The following SLC39A11 variants were observed in gnomAD, a reference collection of about 807,000 sequenced individuals.
The protein encoded by SLC39A11 is solute carrier family 39 member 11.
Under a neutral mutation model 36.1 loss-of-function variants are expected in SLC39A11, and 33 were observed. The ratio of observed to expected loss-of-function variants is 0.91; its 90% CI spans 0.69 to 1.22. The LOEUF (loss-of-function observed/expected upper bound fraction) is 1.22. Ranked by LOEUF, SLC39A11 falls within the 50% of genes most tolerant of loss-of-function variation. The probability of loss-of-function intolerance (pLI) is 0.00; values close to 1 mark genes in which losing one functional copy is unlikely to be tolerated. For synonymous variants in SLC39A11, 166 were observed against 170.3 expected, an observed-to-expected ratio of 0.97 and a Z score of 0.20; for missense variants, 432 against 430.3, an observed-to-expected ratio of 1.00 and a Z score of -0.03.
At chr17:72,703,485 G>T (rs1335865825) in intron 7 of SLC39A11, among the ~76,000 whole-genome samples, 2 of 152,136 alleles carry the variant, frequency 1.3e-5, no homozygotes, top group Non-Finnish European at 2.9e-5. Context: ...GGTAACATGG[G>T]GGGTTGGGGG....
chr17:72,805,734 TTTTTTC>T (rs1050082236), intron 6 of SLC39A11, among the ~76,000 whole-genome samples: 8 of 151,618 alleles, frequency 5.3e-5, no homozygotes, highest in East Asian at 1.9e-4. Flanking sequence ...GAGTTAATTT[TTTTTTC>T]TTTTTCTTTT....
chr17:72,653,447 T>C lies in SLC39A11; in HGVS notation c.672-4179A>G, dbSNP rs537690299. 1.7e-3 allele frequency among the ~76,000 whole-genome samples: 253 copies of C among 150,214 alleles called. 2 individuals are homozygous for C. The highest frequency in any genetic ancestry group is 0.01 in the Middle Eastern group (3 of 294). On this transcript the variant is annotated intron_variant, in intron 7 of 9. Transcript: ENST00000255559. ...TTTTCTTTTCTTTTCTTTTCTTTTTTTTTTTTTGAGAAGGAGTCTCGCTCT... is the reference window on the plus strand; with the variant it reads ...TTTTCTTTTCTTTTCTTTTCTTTTTCTTTTTTTGAGAAGGAGTCTCGCTCT...
chr17:72,917,015 AC>A (rs2083372772), intron 5 of SLC39A11, among the ~76,000 whole-genome samples: 1 of 152,204 alleles, frequency 6.6e-6, no homozygotes, highest in African/African-American at 2.4e-5. Context: ...ACCAGTACAA[AC>A]GTCATGATTT....
At chr17:72,690,126 A>G (rs1353267458) in intron 7 of SLC39A11, among the ~76,000 whole-genome samples, 1 of 152,174 alleles carries the variant, frequency 6.6e-6, no homozygotes, top group African/African-American at 2.4e-5. Flanking sequence ...AGCGAGGCCC[A>G]TCTGTACCCA....
intron 5 of SLC39A11, among the ~76,000 whole-genome samples, chr17:72,931,153 A>C (rs1038808704): frequency 6.6e-6 from 1 of 152,192 alleles, no homozygotes; most frequent in African/African-American, 2.4e-5. Flanking sequence ...GACAAAGAGG[A>C]GTACAGGCCC....
In SLC39A11 at chr17:72,877,369, G is replaced by A. The variant is rs185488206; in HGVS notation, c.431-27565C>T. Among the ~76,000 whole-genome samples, 37 of 152,238 alleles carry A rather than the reference G, an allele frequency of 2.4e-4. 1 individual carries two copies. The South Asian group carries it at 4.8e-3, about 20-fold the overall frequency. On this transcript the variant is annotated intron_variant, in intron 5 of 9. Transcript: ENST00000255559. ...TAATTCACAAGGCAAAATTATTGGC[G>A]GCTTTATATTACAGCCCATTTTCCT...
intron 5 of SLC39A11, among the ~76,000 whole-genome samples, chr17:72,876,535 C>T (rs190575886): frequency 2.0e-5 from 3 of 152,248 alleles, no homozygotes; most frequent in East Asian, 1.9e-4. Context: ...AAGTTACATT[C>T]GTCTTATCTG....
intron 5 of SLC39A11, among the ~76,000 whole-genome samples, chr17:72,898,374 T>C (rs72847956): frequency 0.087 from 13,188 of 152,212 alleles, 795 homozygotes; most frequent in African/African-American, 0.17. Context: ...ATACCGCTGC[T>C]ACTGGGGAGG....
chr17:72,749,684 T>C (rs1329233963), intron 6 of SLC39A11, among the ~76,000 whole-genome samples: 1 of 152,042 alleles, frequency 6.6e-6, no homozygotes, highest in Non-Finnish European at 1.5e-5. Context: ...CTTTGCTAAG[T>C]GCCACCCCAC....
At chr17:72,669,873 C>T (rs938464473) in intron 7 of SLC39A11, among the ~76,000 whole-genome samples, 2 of 151,520 alleles carry the variant, frequency 1.3e-5, no homozygotes, top group Admixed American at 1.3e-4. Flanking sequence ...CGTATATATA[C>T]ATATACACGT....
chr17:72,818,267 C>T (rs1032267971), intron 6 of SLC39A11, among the ~76,000 whole-genome samples: 1 of 152,160 alleles, frequency 6.6e-6, no homozygotes, highest in Non-Finnish European at 1.5e-5. Flanking sequence ...CCACTGCTCC[C>T]GTGGCTTAGT....
intron 7 of SLC39A11, among the ~76,000 whole-genome samples, chr17:72,670,408 A>G (rs1212023090): frequency 6.6e-6 from 1 of 151,992 alleles, no homozygotes; most frequent in East Asian, 1.9e-4. Flanking sequence ...TTTCTCCTTA[A>G]ATTTTCTCAT....
intron 3 of SLC39A11, among the ~76,000 whole-genome samples, chr17:73,053,845 G>A (rs934095216): frequency 6.6e-6 from 1 of 152,198 alleles, no homozygotes; most frequent in Non-Finnish European, 1.5e-5. Flanking sequence ...TAATTAAAAC[G>A]TGGGGAAATT....
At position 73,039,024 on chromosome 17, in the gene SLC39A11, G is replaced by A. The variant is rs545664072; in HGVS notation, c.148-7310C>T. Among the ~76,000 whole-genome samples, 296 of 152,244 alleles carry A rather than the reference G, an allele frequency of 1.9e-3. 2 individuals are homozygous for A. The highest frequency in any genetic ancestry group is 7.0e-3 in the African/African-American group (289 of 41,546). On this transcript the variant is annotated intron_variant, in intron 3 of 9. Coordinates refer to ENST00000255559, the MANE Select transcript of SLC39A11 (RefSeq NM_139177.4). ...TCCATATTTATTATGGGAAAATGCAGGACTTAGAATCAAGTCCGAGTTTGA... is the reference window on the plus strand; with the variant it reads ...TCCATATTTATTATGGGAAAATGCAAGACTTAGAATCAAGTCCGAGTTTGA...
chr17:72,763,913 C>T (rs1360219390), intron 6 of SLC39A11, among the ~76,000 whole-genome samples: 1 of 152,178 alleles, frequency 6.6e-6, no homozygotes, highest in African/African-American at 2.4e-5. Context: ...ACCCAGCTCA[C>T]CTGCTTATAT....
chr17:72,970,235 C>G (rs1211504542), intron 4 of SLC39A11, among the ~76,000 whole-genome samples: 2 of 152,174 alleles, frequency 1.3e-5, no homozygotes, highest in Non-Finnish European at 2.9e-5. Flanking sequence ...TCTCTGCCTC[C>G]CTCCAGAAAC....
chr17:72,993,998 C>T (rs1308434172), intron 4 of SLC39A11, among the ~76,000 whole-genome samples: 3 of 152,038 alleles, frequency 2.0e-5, no homozygotes, highest in African/African-American at 7.2e-5. Flanking sequence ...CATGATAGCA[C>T]CTATTCTTGG....
intron 6 of SLC39A11, among the ~76,000 whole-genome samples, chr17:72,805,045 CCCCTT>C (rs1312427799): frequency 6.6e-6 from 1 of 152,002 alleles, no homozygotes; most frequent in African/African-American, 2.4e-5. Flanking sequence ...TCTCCCAAGT[CCCCTT>C]CCATCACTGA....
At chr17:73,003,485 T>C (rs1288516484) in intron 4 of SLC39A11, among the ~76,000 whole-genome samples, 1 of 152,066 alleles carries the variant, frequency 6.6e-6, no homozygotes, top group Non-Finnish European at 1.5e-5. Flanking sequence ...GCACCTGTTT[T>C]AGAGAGGAGG....
Sources: gnomAD v4.1 joint callset for allele counts (sites outside exome capture counted in the v4.1 genomes callset) on GRCh38, gnomAD v4.1.1 for gene constraint, MANE v1.5 for transcripts, NCBI Gene and HGNC (gene_info 2026-07-23, HGNC 2026-07-21) for gene names.